Variants in CSMD2 observed in about 807,000 individuals in gnomAD.
The protein encoded by CSMD2 is CUB and sushi domain-containing protein 2.
In CSMD2, 130 loss-of-function variants were observed where a neutral mutation model predicts 398.5. The observed-to-expected ratio is 0.33, with a 90% CI of 0.28 to 0.38. The LOEUF is 0.38. Ranked by LOEUF, CSMD2 falls within the 10% of genes least tolerant of loss-of-function variation. The pLI is 1.00. For missense variants in CSMD2, 3,829 were observed against 4,764.9 expected, an observed-to-expected ratio of 0.80 and a Z score of 5.78; for synonymous variants, 1,828 against 1,908.5, an observed-to-expected ratio of 0.96 and a Z score of 1.10.
At chr1:33,894,570 T>C (rs1642253795) in intron 5 of CSMD2, among the ~76,000 whole-genome samples, 1 of 152,182 alleles carries the variant, frequency 6.6e-6, no homozygotes, top group African/African-American at 2.4e-5. Context: ...AGTGTCCCTG[T>C]GGGATTATGG....
At chr1:34,113,288 G>T (rs1056489691) in intron 1 of CSMD2, among the ~76,000 whole-genome samples, 2 of 152,214 alleles carry the variant, frequency 1.3e-5, no homozygotes, top group Non-Finnish European at 2.9e-5. Context: ...CATGAGTTGA[G>T]AGAGCCAGAG....
chr1:33,768,536 ATGTGTG>A (rs60273744), intron 13 of CSMD2, among the ~76,000 whole-genome samples: 4,158 of 141,962 alleles, frequency 0.029, 75 homozygotes, highest in Admixed American at 0.055. Context: ...GTGTGCGTGC[ATGTGTG>A]TGTGTGTGTG....
At position 33,571,681 on chromosome 1, in the gene CSMD2, C is replaced by T. The variant is rs193921034; in HGVS notation, c.7808G>A (p.Arg2603Gln). 5.7e-6 allele frequency: 9 copies of T among 1,571,874 alleles called. No individual in the cohort carries two copies. Among genetic ancestry groups the T allele is most frequent in the South Asian group, 2.4e-5 (2 of 83,750 alleles). The change falls in exon 51 of 71, where the codon CGA becomes CAA. Residue 2603 changes from arginine to glutamine, a missense_variant. Arg to Gln is a conservative substitution (Grantham distance 43). Coordinates refer to ENST00000373381, the MANE Select transcript of CSMD2 (RefSeq NM_001281956.2). ...DVSSISVEHG[R>Q]WRLIFETQYQ... Reference sequence around the variant, plus strand: ...CTGTGTCTCAAAGATAAGCCTCCATCGGCCATGCTCCACGCTGATGCTACT... The same window carrying T: ...CTGTGTCTCAAAGATAAGCCTCCATTGGCCATGCTCCACGCTGATGCTACT...
chr1:33,935,969 A>G lies in CSMD2; in HGVS notation c.518-15T>C. 1 of 1,597,180 alleles carries G rather than the reference A, an allele frequency of 6.3e-7. No individual in the cohort carries two copies. Among genetic ancestry groups the G allele is most frequent in the East Asian group, 2.2e-5 (1 of 44,772 alleles). On this transcript the variant is annotated splice_polypyrimidine_tract_variant and intron_variant, in intron 3 of 70. Coordinates refer to ENST00000373381, the MANE Select transcript of CSMD2 (RefSeq NM_001281956.2). ...GCTGGGGAGAACTGTGAGGAGAAACAGAGAAAGAGACGGGTACCCCGTGAG... is the reference window on the plus strand; with the variant it reads ...GCTGGGGAGAACTGTGAGGAGAAACGGAGAAAGAGACGGGTACCCCGTGAG...
At chr1:34,130,053 C>T (rs1663174141) in intron 1 of CSMD2, among the ~76,000 whole-genome samples, 1 of 152,164 alleles carries the variant, frequency 6.6e-6, no homozygotes, top group South Asian at 2.1e-4. Flanking sequence ...ACCACTCATT[C>T]TCTCCCTTCC....
In CSMD2 at chr1:33,658,037, G is replaced by C. The variant is rs1398176487; in HGVS notation, c.4356C>G (p.Asp1452Glu). Residue 1452 changes from aspartate to glutamate, a missense_variant, in exon 27 of 71, where the codon GAC (aspartate) becomes GAG (glutamate). Around this residue, in one of 5 missense-constraint regions of CSMD2, gnomAD observed 2,001 missense variants for 2,567.1 expected, o/e 0.78. Transcript: ENST00000373381. ...CACTTCCCTGCAGCGCGTAGCCAGGGTCACACTGGAACACTGTGGAGTCGC... is the reference window on the plus strand; with the variant it reads ...CACTTCCCTGCAGCGCGTAGCCAGGCTCACACTGGAACACTGTGGAGTCGC... ...EAGDSTVFQC[D>E]PGYALQGSAE... is the part of the protein sequence containing the mutation. The C allele has an allele frequency of 6.2e-7, 1 of 1,614,208 alleles. No individual in the cohort carries two copies. The highest frequency in any genetic ancestry group is 1.1e-5 in the South Asian group (1 of 91,082).
chr1:33,882,061 T>C (rs1212591445), intron 5 of CSMD2: 1 of 152,208 alleles, frequency 6.6e-6, no homozygotes, highest in East Asian at 1.9e-4. Flanking sequence ...CCCTAGTTCC[T>C]TGGTATAAAT....
At chr1:33,668,685 G>T (rs186674851) in intron 25 of CSMD2, among the ~76,000 whole-genome samples, 146 of 152,270 alleles carry the variant, frequency 9.6e-4, no homozygotes, top group Non-Finnish European at 1.8e-3. Flanking sequence ...ATTGTACTGT[G>T]CCCCTAGGTA....
intron 3 of CSMD2, among the ~76,000 whole-genome samples, chr1:33,952,495 C>G (rs1036778954): frequency 6.6e-6 from 1 of 152,196 alleles, no homozygotes; most frequent in Non-Finnish European, 1.5e-5. Flanking sequence ...TCAGAGAAGC[C>G]TACCCTGACA....
chr1:34,003,011 T>C (rs1050933118), intron 3 of CSMD2, among the ~76,000 whole-genome samples: 11 of 152,288 alleles, frequency 7.2e-5, no homozygotes, highest in Admixed American at 5.2e-4. Context: ...CCTCATTGGA[T>C]AGCAACCTAT....
At chr1:33,640,360 T>A (rs966795643) in intron 29 of CSMD2, among the ~76,000 whole-genome samples, 1 of 152,280 alleles carries the variant, frequency 6.6e-6, no homozygotes, top group East Asian at 1.9e-4. Flanking sequence ...TGGGCTCACA[T>A]ACAAAAAAAT....
chr1:33,651,149 G>A (rs1338666519), intron 28 of CSMD2, among the ~76,000 whole-genome samples: 1 of 152,112 alleles, frequency 6.6e-6, no homozygotes, highest in African/African-American at 2.4e-5. Flanking sequence ...AGGCAAGATG[G>A]GGCAGAGGAA....
At chr1:33,787,604 C>G (rs1653689131) in intron 12 of CSMD2, among the ~76,000 whole-genome samples, 1 of 152,220 alleles carries the variant, frequency 6.6e-6, no homozygotes, top group Admixed American at 6.5e-5. Context: ...TCCCCTCCAT[C>G]TCGCCACTAG....
Position 33,624,753 on chromosome 1 carries a change from G to T in CSMD2, c.5501-110C>A. On this transcript the variant is annotated intron_variant, in intron 34 of 70. Transcript: ENST00000373381. This position sits in a 1 kb window ranked among gnomAD's most constrained non-coding sequence, Gnocchi z 4.7. ...CCTCTGTTTGTCCTCCTCCCCATGG[G>T]GGTGTCTCCCTAATGTCCCCAGTCC... 4 of 1,415,990 alleles carry T rather than the reference G, an allele frequency of 2.8e-6. No homozygotes were observed. The highest frequency in any genetic ancestry group is 2.4e-5 in the East Asian group (1 of 41,452). 87.7% of individuals were successfully genotyped at this position (1,415,990 alleles called of 1,614,324 possible).
At chr1:33,739,780 G>A (rs1458766001) in intron 14 of CSMD2, among the ~76,000 whole-genome samples, 1 of 152,044 alleles carries the variant, frequency 6.6e-6, no homozygotes, top group Non-Finnish European at 1.5e-5. Flanking sequence ...AGGTGAGCTG[G>A]ACTCTAAATT....
intron 9 of CSMD2, among the ~76,000 whole-genome samples, chr1:33,818,037 T>C (rs1029229397): frequency 6.6e-6 from 1 of 152,228 alleles, no homozygotes; most frequent in African/African-American, 2.4e-5. Context: ...ACCCTTGGCA[T>C]GTTCATGTAA....
chr1:34,013,978 C>T (rs570854631), intron 3 of CSMD2, among the ~76,000 whole-genome samples: 87 of 152,304 alleles, frequency 5.7e-4, no homozygotes, highest in African/African-American at 1.9e-3. Flanking sequence ...ACCTGCTCTT[C>T]CTATGGGCTT....
At chr1:34,003,212 C>A (rs1646954437) in intron 3 of CSMD2, among the ~76,000 whole-genome samples, 1 of 149,432 alleles carries the variant, frequency 6.7e-6, no homozygotes, top group African/African-American at 2.4e-5. Flanking sequence ...GGAGTATTAT[C>A]CCAAAAGCAG....
chr1:34,129,747 G>C (rs919979617), intron 1 of CSMD2, among the ~76,000 whole-genome samples: 1 of 152,250 alleles, frequency 6.6e-6, no homozygotes, highest in African/African-American at 2.4e-5. Flanking sequence ...ACATGTGCCA[G>C]GGCCTCCGCC....
Sources: gnomAD v4.1 joint callset for allele counts (sites outside exome capture counted in the v4.1 genomes callset) on GRCh38, gnomAD v4.1.1 for gene constraint, gnomAD v4.1.1 regional missense constraint, Gnocchi (gnomAD v3.1) non-coding constraint, MANE v1.5 for transcripts, NCBI Gene and HGNC (gene_info 2026-07-23, HGNC 2026-07-21) for gene names.